RTN3: variants seen among roughly 807,000 people sequenced by gnomAD.
RTN3 encodes reticulon-3.
A neutral mutation model predicts 77.8 loss-of-function variants in RTN3; 49 were observed. That is an observed-to-expected ratio of 0.63 (90% confidence interval 0.50 to 0.80). The LOEUF is 0.80. RTN3 is among the 30% of genes least tolerant of loss of function. The pLI is 0.00. For synonymous variants in RTN3, 464 were observed against 446.9 expected, an observed-to-expected ratio of 1.04 and a Z score of -0.48; for missense variants, 1,236 against 1,211.9, an observed-to-expected ratio of 1.02 and a Z score of -0.29.
intron 1 of RTN3, among the ~76,000 whole-genome samples, chr11:63,697,298 C>CT (rs929270731): frequency 6.0e-5 from 9 of 149,946 alleles, no homozygotes; most frequent in East Asian, 5.9e-4. Flanking sequence ...TCCACTTATG[C>CT]TTTTTTTTTA....
intron 1 of RTN3, among the ~76,000 whole-genome samples, chr11:63,699,926 A>G (rs1374584712): frequency 6.6e-6 from 1 of 152,224 alleles, no homozygotes; most frequent in Non-Finnish European, 1.5e-5. Flanking sequence ...GATTAAGATC[A>G]TTCTGGGGTT....
At chr11:63,731,311 C>G (rs1490521275) in intron 3 of RTN3, among the ~76,000 whole-genome samples, 1 of 152,156 alleles carries the variant, frequency 6.6e-6, no homozygotes, top group Non-Finnish European at 1.5e-5. Flanking sequence ...AACTCCCAAC[C>G]TCAAGTGATC....
chr11:63,738,374 T>C (rs1590869226), intron 3 of RTN3, among the ~76,000 whole-genome samples: 3 of 152,164 alleles, frequency 2.0e-5, no homozygotes, highest in Non-Finnish European at 4.4e-5. Context: ...GTTCAGTGAT[T>C]CACGCCTGTA....
intron 1 of RTN3, among the ~76,000 whole-genome samples, chr11:63,684,019 T>C (rs1941216503): frequency 6.8e-6 from 1 of 146,008 alleles, no homozygotes. Context: ...TGGAGCCATC[T>C]TGGCTCACTG....
intron 3 of RTN3, among the ~76,000 whole-genome samples, chr11:63,741,558 G>A (rs2013480787): frequency 6.6e-6 from 1 of 150,874 alleles, no homozygotes; most frequent in Non-Finnish European, 1.5e-5. Context: ...GGAATGCAGT[G>A]GCATGATCTT....
intron 1 of RTN3, among the ~76,000 whole-genome samples, chr11:63,682,594 T>G (rs2134588815): frequency 6.6e-6 from 1 of 151,274 alleles, no homozygotes; most frequent in East Asian, 2.0e-4. Context: ...TGATTTCATG[T>G]TTTCTGTGGG....
chr11:63,685,577 A>G (rs372352166), intron 1 of RTN3, among the ~76,000 whole-genome samples: 1 of 150,954 alleles, frequency 6.6e-6, no homozygotes, highest in African/African-American at 2.4e-5. Context: ...GTTTTTCTTC[A>G]TGTCACAAAG....
chr11:63,703,216 A>G lies in RTN3; in HGVS notation c.143-1635A>G, dbSNP rs1459343203. Among the ~76,000 whole-genome samples, 3 of 152,196 alleles carry G rather than the reference A, an allele frequency of 2.0e-5. No individual in the cohort carries two copies. The East Asian group carries it at 5.8e-4, about 29-fold the overall frequency. On this transcript the variant is annotated intron_variant, in intron 1 of 8. Coordinates refer to ENST00000377819, the MANE Select transcript of RTN3 (RefSeq NM_001265589.2). ...CTAAAGAATACTTAAAGTATAAGGG[A>G]TGATGTGTGTAGGTTATATGCAAAT... is the stretch of plus-strand genomic sequence containing the variant.
At chr11:63,685,397 G>A (rs573692389) in intron 1 of RTN3, among the ~76,000 whole-genome samples, 8 of 149,354 alleles carry the variant, frequency 5.4e-5, no homozygotes, top group African/African-American at 2.0e-4. Context: ...TCGGGAGGCT[G>A]AGACAGGAAA....
chr11:63,688,080 A>G (rs1941463134), intron 1 of RTN3, among the ~76,000 whole-genome samples: 1 of 152,202 alleles, frequency 6.6e-6, no homozygotes, highest in Non-Finnish European at 1.5e-5. Flanking sequence ...TGACTAATAA[A>G]TGTTGTTATG....
At chr11:63,742,561 G>T (rs530897389) in intron 3 of RTN3, among the ~76,000 whole-genome samples, 1 of 151,862 alleles carries the variant, frequency 6.6e-6, no homozygotes. Flanking sequence ...CAGGAGAGTC[G>T]CTTGAACCTG....
chr11:63,702,396 C>T (rs1382082843), intron 1 of RTN3, among the ~76,000 whole-genome samples: 1 of 146,758 alleles, frequency 6.8e-6, no homozygotes, highest in Non-Finnish European at 1.5e-5. Context: ...CTCACTGTAA[C>T]CTCTGCCACC....
intron 3 of RTN3, among the ~76,000 whole-genome samples, chr11:63,728,886 C>CAAA (rs577443067): frequency 3.8e-5 from 3 of 78,666 alleles, no homozygotes; most frequent in Admixed American, 1.6e-4. Context: ...GACTCCGTCT[C>CAAA]AAAAAAAAAA....
chr11:63,704,812 T>G, intron 1 of RTN3, 39 bp from the exon 2 acceptor site: 41 of 1,445,156 alleles, frequency 2.8e-5, no homozygotes, highest in Non-Finnish European at 4.0e-5. Context: ...AATTCCTGTG[T>G]GAGGTTGTCA....
At chr11:63,708,860 G>T (rs1324384748) in intron 2 of RTN3, among the ~76,000 whole-genome samples, 1 of 152,168 alleles carries the variant, frequency 6.6e-6, no homozygotes, top group African/African-American at 2.4e-5. Flanking sequence ...TTTTAATGAT[G>T]TTTTCCTGTA....
In RTN3 at chr11:63,753,697, G is replaced by A. The variant is rs2135058762; in HGVS notation, c.2983G>A (p.Glu995Lys). The stretch of plus-strand genomic sequence containing the variant: ...CATTTTCAGTGTCCCGATTGTCTAT[G>A]AGAAGTACAAGGTAAGCATTTATCT... Reference protein sequence around the residue: ...LLIFSVPIVYEKYKTQIDHYV... With the variant: ...LLIFSVPIVYKKYKTQIDHYV... Residue 995 changes from glutamate (E) to lysine (K), a missense_variant, in exon 7 of 9, where the codon GAG (glutamate) becomes AAG (lysine). By Grantham distance (56) the Glu-to-Lys change is moderately conservative. Around this residue, in one of 3 missense-constraint regions of RTN3, gnomAD observed 141 missense variants for 154.9 expected, o/e 0.91. Transcript: ENST00000377819. 6.2e-7 allele frequency: 1 copy of A among 1,613,714 alleles called. No homozygotes were observed. The highest frequency in any genetic ancestry group is 2.2e-5 in the East Asian group (1 of 44,874).
At chr11:63,733,953 T>C (rs947820768) in intron 3 of RTN3, among the ~76,000 whole-genome samples, 10 of 151,966 alleles carry the variant, frequency 6.6e-5, no homozygotes, top group African/African-American at 1.4e-4. Context: ...CAGACACACA[T>C]ATATATATAC....
At chr11:63,747,664 T>G (rs1462602671) in intron 3 of RTN3, among the ~76,000 whole-genome samples, 2 of 152,216 alleles carry the variant, frequency 1.3e-5, no homozygotes, top group Non-Finnish European at 2.9e-5. Flanking sequence ...GAGAGCTGTA[T>G]AGCTGAATGT....
chr11:63,725,107 T>C (rs1030598704), intron 3 of RTN3, among the ~76,000 whole-genome samples: 1 of 152,144 alleles, frequency 6.6e-6, no homozygotes, highest in Non-Finnish European at 1.5e-5. Context: ...GACTCTTTGA[T>C]TACCACCTGG....
Sources: gnomAD v4.1 joint callset for allele counts (sites outside exome capture counted in the v4.1 genomes callset) on GRCh38, gnomAD v4.1.1 for gene constraint, gnomAD v4.1.1 regional missense constraint, MANE v1.5 for transcripts, NCBI Gene and HGNC (gene_info 2026-07-23, HGNC 2026-07-21) for gene names.